Variants in LRGUK observed in about 807,000 individuals in gnomAD.
LRGUK encodes leucine-rich repeat and guanylate kinase domain-containing protein.
LRGUK carries 65 observed loss-of-function variants against 76.0 expected under a neutral mutation model. That is an observed-to-expected ratio of 0.85 (90% confidence interval 0.70 to 1.05). The LOEUF (loss-of-function observed/expected upper bound fraction) is 1.05, where lower values mean the gene tolerates loss of function less well. Among genes scored for constraint, LRGUK ranks in the 50% least tolerant of loss-of-function variants. The probability of loss-of-function intolerance (pLI) is 0.00; values close to 1 mark genes in which losing one functional copy is unlikely to be tolerated. For missense variants in LRGUK, 758 were observed against 732.8 expected (o/e 1.03, Z -0.40); for synonymous variants, 268 against 265.6 (o/e 1.01, Z -0.09).
At chr7:134,264,297 G>A (rs1357285320) in exon 20 of LRGUK, 2 of 192,646 alleles carry the variant, frequency 1.0e-5, no homozygotes, top group African/African-American at 2.4e-5. Context: ...CTCCCTGCTC[G>A]GAAATATCAG....
chr7:134,200,073 C>T (rs1381823562), intron 14 of LRGUK, among the ~76,000 whole-genome samples: 2 of 141,562 alleles, frequency 1.4e-5, no homozygotes, highest in African/African-American at 5.3e-5. Context: ...CTCTGTCACC[C>T]AGGCTGGAGT....
intron 10 of LRGUK, 45 bp from the exon 11 acceptor site, chr7:134,183,689 C>A: frequency 6.2e-7 from 1 of 1,610,570 alleles, no homozygotes; most frequent in South Asian, 1.1e-5. Context: ...AATGTGCTGT[C>A]TCCCTGACTG....
At chr7:134,258,313 C>T in exon 19 of LRGUK, 10 of 1,614,070 alleles carry the variant, frequency 6.2e-6, no homozygotes, top group Non-Finnish European at 8.5e-6. Context: ...TGTCCGTGGT[C>T]AAAAGAATTG....
At chr7:134,209,791 A>C in exon 16 of LRGUK, 1 of 399,680 alleles carries the variant, frequency 2.5e-6, no homozygotes, top group Non-Finnish European at 4.4e-6. Context: ...AAGTCCAGGA[A>C]GAGAAGGTCA....
chr7:134,185,269 G>A (rs75211065), intron 11 of LRGUK, among the ~76,000 whole-genome samples: 1,697 of 152,242 alleles, frequency 0.011, 22 homozygotes, highest in Admixed American at 0.016. Context: ...AGTTTAAAGA[G>A]TTTTTTAGAG....
At chr7:134,175,661 G>A (rs1356634789) in intron 8 of LRGUK, among the ~76,000 whole-genome samples, 6 of 151,980 alleles carry the variant, frequency 3.9e-5, no homozygotes, top group Admixed American at 1.3e-4. Context: ...TTGGACTGGC[G>A]CAAAAGTAAT....
At chr7:134,136,954 A>G in intron 1 of LRGUK, 69 bp from the exon 2 acceptor site, 2 of 1,275,150 alleles carry the variant, frequency 1.6e-6, no homozygotes, top group Non-Finnish European at 1.1e-6. Context: ...AGTGCTGGAT[A>G]TGACAAGATA....
chr7:134,273,448 GC>G, the LRGUK span, among the ~76,000 whole-genome samples: 1 of 151,812 alleles, frequency 6.6e-6, no homozygotes, highest in Non-Finnish European at 1.5e-5. Flanking sequence ...AAATACCAAA[GC>G]CCACTATCCA....
intron 6 of LRGUK, among the ~76,000 whole-genome samples, chr7:134,158,875 A>G (rs913012844): frequency 6.6e-6 from 1 of 152,200 alleles, no homozygotes; most frequent in African/African-American, 2.4e-5. Flanking sequence ...TGAAATATCC[A>G]GGATTCTTTC....
At chr7:134,237,483 T>C (rs892839878) in intron 16 of LRGUK, among the ~76,000 whole-genome samples, 9 of 152,202 alleles carry the variant, frequency 5.9e-5, no homozygotes, top group African/African-American at 2.2e-4. Flanking sequence ...CACCGCATTT[T>C]TTATCCTTAT....
At chr7:134,202,459 T>G (rs1019096598) in intron 15 of LRGUK, among the ~76,000 whole-genome samples, 1 of 152,146 alleles carries the variant, frequency 6.6e-6, no homozygotes, top group African/African-American at 2.4e-5. Context: ...GCAATAGAAC[T>G]GTCCTATCAT....
intron 7 of LRGUK, among the ~76,000 whole-genome samples, chr7:134,169,972 A>C (rs1215453650): frequency 1.3e-5 from 2 of 152,134 alleles, no homozygotes; most frequent in African/African-American, 2.4e-5. Flanking sequence ...GCAGTATATG[A>C]AGTTAGAATA....
chr7:134,235,036 C>G (rs1411067626), intron 16 of LRGUK, among the ~76,000 whole-genome samples: 1 of 152,206 alleles, frequency 6.6e-6, no homozygotes, highest in Non-Finnish European at 1.5e-5. Context: ...TATTTGTCAC[C>G]TAGATCACGG....
chr7:134,270,195 G>A, the LRGUK span, among the ~76,000 whole-genome samples: 1 of 152,106 alleles, frequency 6.6e-6, no homozygotes, highest in African/African-American at 2.4e-5. Flanking sequence ...AAGAAATCTA[G>A]AAAACTCTTA....
At chr7:134,247,737 C>G in intron 17 of LRGUK, 93 bp downstream of exon 17, 1 of 960,630 alleles carries the variant, frequency 1.0e-6, no homozygotes, top group Non-Finnish European at 1.6e-6. Context: ...ACAGAGACCT[C>G]TGTCCTAAAA....
At chr7:134,237,156 G>C (rs1181685079) in intron 16 of LRGUK, among the ~76,000 whole-genome samples, 1 of 148,266 alleles carries the variant, frequency 6.7e-6, no homozygotes, top group African/African-American at 2.5e-5. Context: ...CCGGGTTCAA[G>C]TGATTTTCCT....
intron 11 of LRGUK, among the ~76,000 whole-genome samples, chr7:134,186,509 G>A (rs1375390190): frequency 6.6e-6 from 1 of 152,220 alleles, no homozygotes; most frequent in Non-Finnish European, 1.5e-5. Context: ...ATAACTGACT[G>A]ACTGATTGAG....
chr7:134,138,872 T>C (rs954260288), intron 2 of LRGUK, among the ~76,000 whole-genome samples: 6 of 152,194 alleles, frequency 3.9e-5, no homozygotes, highest in Non-Finnish European at 8.8e-5. Context: ...TTCAGGCTGT[T>C]AACCTACCTC....
chr7:134,158,231 T>C, intron 6 of LRGUK, 72 bp downstream of exon 6: 2 of 1,326,422 alleles, frequency 1.5e-6, no homozygotes. Context: ...GAATTATGAC[T>C]ACTTAGGATT....
Sources: gnomAD v4.1 joint callset for allele counts (sites outside exome capture counted in the v4.1 genomes callset) on GRCh38, gnomAD v4.1.1 for gene constraint, MANE v1.5 for transcripts, NCBI Gene and HGNC (gene_info 2026-07-23, HGNC 2026-07-21) for gene names.